DRC11: variants seen among roughly 807,000 people sequenced by gnomAD.
DRC11 encodes the protein dynein regulatory complex subunit 11, also known as IQ and AAA domain-containing protein 1.
chr2:236,416,228 G>C, the DRC11 span, among the ~76,000 whole-genome samples: 1 of 152,182 alleles, frequency 6.6e-6, no homozygotes, highest in African/African-American at 2.4e-5. Flanking sequence ...CAGAAGCTGG[G>C]AGAACCCTTG....
At chr2:236,340,263 T>C in the DRC11 span, among the ~76,000 whole-genome samples, 2 of 152,228 alleles carry the variant, frequency 1.3e-5, no homozygotes, top group Non-Finnish European at 2.9e-5. Flanking sequence ...TAGCTGGGAT[T>C]ACAGGTGTGC....
the DRC11 span, among the ~76,000 whole-genome samples, chr2:236,357,056 A>G: frequency 1.4e-5 from 1 of 69,184 alleles, no homozygotes; most frequent in Admixed American, 1.6e-4. Flanking sequence ...TTATATATCT[A>G]TTTATATATT....
chr2:236,494,500 G>T, the DRC11 span, among the ~76,000 whole-genome samples: 10 of 152,182 alleles, frequency 6.6e-5, no homozygotes. This position sits in a 1 kb window ranked among gnomAD's most constrained non-coding sequence, Gnocchi z 4.2. Flanking sequence ...AGTTCAAATT[G>T]AGTAAAAAGG....
the DRC11 span, among the ~76,000 whole-genome samples, chr2:236,418,539 T>C: frequency 5.3e-3 from 808 of 152,308 alleles, 7 homozygotes; most frequent in African/African-American, 0.018. Flanking sequence ...TGAAAGCATA[T>C]GGGCCCTAAG....
the DRC11 span, among the ~76,000 whole-genome samples, chr2:236,445,193 A>C: frequency 0.031 from 4,748 of 152,274 alleles, 241 homozygotes; most frequent in East Asian, 0.18. This position sits in a 1 kb window ranked among gnomAD's most constrained non-coding sequence, Gnocchi z 4.8. Context: ...AAACTTAGTG[A>C]CATATGAAAA....
chr2:236,451,520 C>A, the DRC11 span, among the ~76,000 whole-genome samples: 1 of 152,076 alleles, frequency 6.6e-6, no homozygotes, highest in Non-Finnish European at 1.5e-5. Context: ...CTGTCTTAAT[C>A]GAGCTTACAT....
the DRC11 span, among the ~76,000 whole-genome samples, chr2:236,382,324 T>G: frequency 6.6e-6 from 1 of 152,240 alleles, no homozygotes; most frequent in Admixed American, 6.5e-5. Context: ...TCTTTACCAA[T>G]AGCATACAGT....
the DRC11 span, among the ~76,000 whole-genome samples, chr2:236,341,872 T>C: frequency 6.6e-6 from 1 of 152,202 alleles, no homozygotes; most frequent in African/African-American, 2.4e-5. Flanking sequence ...AACAATGCCT[T>C]CCTCTCAGGG....
the DRC11 span, among the ~76,000 whole-genome samples, chr2:236,375,869 C>T: frequency 6.6e-6 from 1 of 152,308 alleles, no homozygotes; most frequent in Non-Finnish European, 1.5e-5. The surrounding 1 kb of genome is among the most constrained non-coding windows in gnomAD (Gnocchi z 4.2). Flanking sequence ...GAAAAATCTC[C>T]ACTTTTACAA....
the DRC11 span, among the ~76,000 whole-genome samples, chr2:236,435,554 C>A: frequency 2.6e-5 from 4 of 152,130 alleles, no homozygotes; most frequent in East Asian, 7.7e-4. Flanking sequence ...GGGAAACTTA[C>A]AATCATGGTG....
At chr2:236,357,631 A>G in the DRC11 span, among the ~76,000 whole-genome samples, 1 of 107,520 alleles carries the variant, frequency 9.3e-6, no homozygotes, top group Non-Finnish European at 1.8e-5. Context: ...ATAAATATGC[A>G]TATAATATGT....
chr2:236,344,060 G>A, the DRC11 span, among the ~76,000 whole-genome samples: 22 of 151,906 alleles, frequency 1.4e-4, no homozygotes, highest in African/African-American at 4.8e-4. Flanking sequence ...GGTGATTTGT[G>A]GGGGGAAGTG....
At chr2:236,479,265 T>C in the DRC11 span, among the ~76,000 whole-genome samples, 1 of 152,214 alleles carries the variant, frequency 6.6e-6, no homozygotes, top group Admixed American at 6.5e-5. The surrounding 1 kb of genome is among the most constrained non-coding windows in gnomAD (Gnocchi z 4.1). Context: ...AGGCAGCATA[T>C]GGTTGGATCT....
At chr2:236,343,349 C>T in the DRC11 span, among the ~76,000 whole-genome samples, 22 of 152,204 alleles carry the variant, frequency 1.4e-4, no homozygotes, top group Non-Finnish European at 2.6e-4. This position sits in a 1 kb window ranked among gnomAD's most constrained non-coding sequence, Gnocchi z 6.6. Context: ...TGATGGCAAG[C>T]CCAGGGCACT....
At chr2:236,459,675 A>ATATATG in the DRC11 span, among the ~76,000 whole-genome samples, 9 of 147,072 alleles carry the variant, frequency 6.1e-5, no homozygotes, top group African/African-American at 2.2e-4. Flanking sequence ...GTATATACGT[A>ATATATG]TATATGTATA....
the DRC11 span, chr2:236,380,454 G>GA: frequency 1.2e-6 from 1 of 813,554 alleles, no homozygotes; most frequent in South Asian, 1.6e-5. This position sits in a 1 kb window ranked among gnomAD's most constrained non-coding sequence, Gnocchi z 4.9. Context: ...CCACCACTCC[G>GA]GGACTGTGGA....
At chr2:236,430,256 C>T in the DRC11 span, among the ~76,000 whole-genome samples, 1 of 151,996 alleles carries the variant, frequency 6.6e-6, no homozygotes, top group Non-Finnish European at 1.5e-5. This position sits in a 1 kb window ranked among gnomAD's most constrained non-coding sequence, Gnocchi z 6.0. Flanking sequence ...GTTATGTTTG[C>T]CAATTGTATA....
chr2:236,423,915 G>A, the DRC11 span, among the ~76,000 whole-genome samples: 1 of 151,962 alleles, frequency 6.6e-6, no homozygotes, highest in African/African-American at 2.4e-5. Context: ...CATGGATGAA[G>A]CTGGAAACCA....
At chr2:236,313,931 T>C in the DRC11 span, among the ~76,000 whole-genome samples, 4 of 152,158 alleles carry the variant, frequency 2.6e-5, no homozygotes, top group Admixed American at 2.0e-4. The surrounding 1 kb of genome is among the most constrained non-coding windows in gnomAD (Gnocchi z 4.5). Context: ...GAAGTAGATG[T>C]GGTTAGAACT....
Sources: gnomAD v4.1 joint callset for allele counts (sites outside exome capture counted in the v4.1 genomes callset) on GRCh38, gnomAD v4.1.1 for gene constraint, Gnocchi (gnomAD v3.1) non-coding constraint, MANE v1.5 for transcripts, NCBI Gene and HGNC (gene_info 2026-07-23, HGNC 2026-07-21) for gene names.